Variants in RAPGEF2 observed in about 807,000 individuals in gnomAD.
The protein encoded by RAPGEF2 is Rap guanine nucleotide exchange factor 2.
Under a neutral mutation model 186.7 loss-of-function variants are expected in RAPGEF2, and 54 were observed. The ratio of observed to expected loss-of-function variants is 0.29; its 90% CI spans 0.23 to 0.36. The LOEUF is 0.36. Among genes scored for constraint, RAPGEF2 ranks in the 10% least tolerant of loss-of-function variants. The pLI, the probability that RAPGEF2 is intolerant of heterozygous loss-of-function variation, is 1.00. For missense variants in RAPGEF2, 1,532 were observed against 2,045.0 expected, an observed-to-expected ratio of 0.75 and a Z score of 4.84; for synonymous variants, 712 against 705.9, an observed-to-expected ratio of 1.01 and a Z score of -0.14.
At chr4:159,204,868 G>A (rs561283333) in intron 3 of RAPGEF2, among the ~76,000 whole-genome samples, 9 of 152,064 alleles carry the variant, frequency 5.9e-5, no homozygotes, top group African/African-American at 1.2e-4. Context: ...TTTCCTATAC[G>A]AACCTCTTTA....
chr4:159,249,645 C>T (rs1479778183), intron 7 of RAPGEF2, among the ~76,000 whole-genome samples: 1 of 151,898 alleles, frequency 6.6e-6, no homozygotes, highest in Non-Finnish European at 1.5e-5. Context: ...AAATTTCCCC[C>T]TTATTTTCTC....
At position 159,349,489 on chromosome 4, in the gene RAPGEF2, G is replaced by A. The variant is rs537673997; in HGVS notation, c.3713-648G>A. Among the ~76,000 whole-genome samples, 275 of 129,888 alleles carry A rather than the reference G, an allele frequency of 2.1e-3. 1 individual carries two copies. The highest frequency in any genetic ancestry group is 7.5e-3 in the Middle Eastern group (2 of 266). 85.2% of individuals were successfully genotyped at this position (129,888 alleles called of 152,430 possible). A position where few individuals can be genotyped will look rare whatever the true frequency, so the allele number is the denominator to read the frequency against. ...ACTCTCATCCTGTTGGATCCTGCAC[G>A]TGGTGCTGGCTCACTTCCTTCTTCT... On this transcript the variant is annotated intron_variant, in intron 25 of 29. Transcript: ENST00000691494.
intron 3 of RAPGEF2, among the ~76,000 whole-genome samples, chr4:159,200,026 T>G (rs979616680): frequency 7.2e-5 from 11 of 151,904 alleles, no homozygotes; most frequent in Non-Finnish European, 1.0e-4. Flanking sequence ...TCAGTTTAGC[T>G]GACTCATCGA....
chr4:159,164,889 G>A (rs931831308), intron 1 of RAPGEF2, among the ~76,000 whole-genome samples: 2 of 152,090 alleles, frequency 1.3e-5, no homozygotes, highest in African/African-American at 4.8e-5. Flanking sequence ...TGCTATTTTT[G>A]TTTTAAGAAA....
chr4:159,260,770 C>T (rs545426687), intron 7 of RAPGEF2, among the ~76,000 whole-genome samples: 52 of 152,156 alleles, frequency 3.4e-4, no homozygotes, highest in Non-Finnish European at 5.0e-4. Context: ...TTTTTTGAGA[C>T]GGAGTTTCAC....
At chr4:159,146,808 T>C (rs1743007206) in intron 1 of RAPGEF2, among the ~76,000 whole-genome samples, 1 of 152,206 alleles carries the variant, frequency 6.6e-6, no homozygotes, top group South Asian at 2.1e-4. Context: ...TCCCCAGCTT[T>C]CATAATTTTT....
At chr4:159,348,411 C>A (rs1730709155) in intron 25 of RAPGEF2, among the ~76,000 whole-genome samples, 1 of 152,128 alleles carries the variant, frequency 6.6e-6, no homozygotes. Flanking sequence ...ATTTCGTAGA[C>A]CCCTCACGTA....
In RAPGEF2 at chr4:159,353,963, C is replaced by T. The variant is rs745952157; in HGVS notation, c.4568C>T (p.Thr1523Met). ...VSIEAESSSL[T>M]SVTTEETKPV... ...ATTGAAGCCGAAAGCAGTAGCCTAA[C>T]GTCTGTGACTACGGAAGAAACCAAG... The change falls in exon 28 of 30, where the codon ACG (threonine) becomes ATG (methionine). Residue 1523 changes from threonine (T) to methionine (M), a missense_variant. Thr to Met is a moderately conservative substitution (Grantham distance 81). Transcript: ENST00000691494. The surrounding 1 kb of genome is among the most constrained non-coding windows in gnomAD (Gnocchi z 4.3). The T allele has an allele frequency of 1.2e-5, 19 of 1,613,768 alleles. No individual in the cohort carries two copies. In the Admixed American group the frequency reaches 1.3e-4, roughly 11 times the overall value.
At chr4:159,173,064 GA>G (rs908778492) in intron 1 of RAPGEF2, among the ~76,000 whole-genome samples, 17 of 151,878 alleles carry the variant, frequency 1.1e-4, no homozygotes, top group Non-Finnish European at 2.1e-4. Flanking sequence ...TACATATGTC[GA>G]ATATTCTCAT....
chr4:159,322,283 C>A (rs2111153995), intron 9 of RAPGEF2, 64 bp from the exon 10 acceptor site: 2 of 1,505,218 alleles, frequency 1.3e-6, no homozygotes, highest in East Asian at 4.6e-5. Context: ...CTAAAACATT[C>A]TTTTTGAATA....
At chr4:159,323,687 G>T in intron 11 of RAPGEF2, 70 bp downstream of exon 11, 2 of 896,008 alleles carry the variant, frequency 2.2e-6, no homozygotes, top group Non-Finnish European at 3.0e-6. Context: ...ATTGTGATGA[G>T]ATTTTTCTCC....
intron 1 of RAPGEF2, among the ~76,000 whole-genome samples, chr4:159,174,076 CTCTTT>C (rs1746196330): frequency 6.6e-6 from 1 of 152,156 alleles, no homozygotes; most frequent in Admixed American, 6.5e-5. Context: ...TGGACACTTT[CTCTTT>C]TCTTATTTGT....
rs1748292705 is a variant in RAPGEF2, at chr4:159,193,180, T to C, written c.141-20T>C. On this transcript the variant is annotated intron_variant, in intron 2 of 29. Transcript: ENST00000691494. ...TTTTTAGTGACAGATGTTGAACTCA[T>C]GTTTTTATCTCTTTTACAGGTTAAT... 1 of 1,449,726 alleles carries C rather than the reference T, an allele frequency of 6.9e-7. No individual in the cohort carries two copies. The highest frequency in any genetic ancestry group is 1.5e-5 in the South Asian group (1 of 68,572). 89.8% of individuals were successfully genotyped at this position (1,449,726 alleles called of 1,614,324 possible).
At chr4:159,196,318 C>G (rs531222514) in intron 3 of RAPGEF2, among the ~76,000 whole-genome samples, 6 of 152,282 alleles carry the variant, frequency 3.9e-5, no homozygotes, top group African/African-American at 1.4e-4. Flanking sequence ...TAGTACTCCT[C>G]TTTTTCGGAC....
chr4:159,223,819 T>G (rs367873247), intron 4 of RAPGEF2, among the ~76,000 whole-genome samples: 1 of 152,208 alleles, frequency 6.6e-6, no homozygotes, highest in Non-Finnish European at 1.5e-5. Context: ...GAATTTTAAC[T>G]TACATAATTT....
At chr4:159,222,891 A>G (rs1020235840) in intron 4 of RAPGEF2, among the ~76,000 whole-genome samples, 20 of 150,256 alleles carry the variant, frequency 1.3e-4, no homozygotes, top group Non-Finnish European at 1.5e-4. Context: ...ATCATAGTTC[A>G]GGGACACTTT....
At chr4:159,305,357 T>A (rs1763156585) in intron 8 of RAPGEF2, among the ~76,000 whole-genome samples, 1 of 152,200 alleles carries the variant, frequency 6.6e-6, no homozygotes, top group Non-Finnish European at 1.5e-5. Context: ...ATTTTTGTCT[T>A]TTTCATGACA....
Position 159,138,187 on chromosome 4 carries a change from C to T in RAPGEF2, c.69+33956C>T, listed in dbSNP as rs148780775. On this transcript the variant is annotated intron_variant, in intron 1 of 29. Transcript: ENST00000691494. ...TGGTACCAGTTTTATACCACCCCTA[C>T]GTTGCTGAAAGGAGCTCTGATTTGA... is the stretch of plus-strand genomic sequence containing the variant. 6.3e-3 allele frequency among the ~76,000 whole-genome samples: 952 copies of T among 152,260 alleles called. 5 individuals carry two copies. Among genetic ancestry groups the T allele is most frequent in the Non-Finnish European group, 0.011 (735 of 68,014 alleles).
intron 17 of RAPGEF2, among the ~76,000 whole-genome samples, chr4:159,335,623 G>A (rs1353110966): frequency 2.0e-5 from 3 of 151,956 alleles, no homozygotes; most frequent in African/African-American, 7.3e-5. Context: ...CGAGGCGGTC[G>A]GATCACGAGG....
Sources: gnomAD v4.1 joint callset for allele counts (sites outside exome capture counted in the v4.1 genomes callset) on GRCh38, gnomAD v4.1.1 for gene constraint, Gnocchi (gnomAD v3.1) non-coding constraint, MANE v1.5 for transcripts, NCBI Gene and HGNC (gene_info 2026-07-23, HGNC 2026-07-21) for gene names.